Variants in CLSTN2 observed in about 807,000 individuals in gnomAD.
The protein encoded by CLSTN2 is calsyntenin 2.
Under a neutral mutation model 101.2 loss-of-function variants are expected in CLSTN2, and 48 were observed. The observed-to-expected ratio is 0.47, with a 90% CI of 0.38 to 0.60. The LOEUF is 0.60. Among genes scored for constraint, CLSTN2 ranks in the 20% least tolerant of loss-of-function variants. CLSTN2 has a pLI of 0.00. For synonymous variants in CLSTN2, 481 were observed against 463.6 expected (o/e 1.04, Z -0.48); for missense variants, 1,160 against 1,238.2 (o/e 0.94, Z 0.95).
chr3:139,948,374 A>C (rs1055169683), intron 1 of CLSTN2, among the ~76,000 whole-genome samples: 3 of 152,018 alleles, frequency 2.0e-5, no homozygotes, highest in Non-Finnish European at 4.4e-5. Context: ...GTGAGGCAGG[A>C]GAATCACTTG....
At chr3:140,440,326 G>A (rs955869734) in intron 5 of CLSTN2, among the ~76,000 whole-genome samples, 1 of 152,070 alleles carries the variant, frequency 6.6e-6, no homozygotes, top group East Asian at 1.9e-4. Context: ...CTTCTTCATA[G>A]GAATTAAAAG....
At chr3:140,443,647 A>T (rs1394739727) in intron 5 of CLSTN2, among the ~76,000 whole-genome samples, 1 of 152,240 alleles carries the variant, frequency 6.6e-6, no homozygotes, top group African/African-American at 2.4e-5. Context: ...TTCATAAAGT[A>T]GTCTCTAGGC....
chr3:140,477,732 T>C (rs1163452914), intron 8 of CLSTN2, among the ~76,000 whole-genome samples: 1 of 152,210 alleles, frequency 6.6e-6, no homozygotes, highest in African/African-American at 2.4e-5. Context: ...AAGATTTAGA[T>C]AGTTTGGCAG....
intron 12 of CLSTN2, among the ~76,000 whole-genome samples, chr3:140,560,455 C>T (rs1935888831): frequency 6.6e-6 from 1 of 152,220 alleles, no homozygotes; most frequent in African/African-American, 2.4e-5. Flanking sequence ...GCAAATATCC[C>T]TGCCTTCAGC....
intron 1 of CLSTN2, among the ~76,000 whole-genome samples, chr3:140,110,838 CTTCT>C (rs764712059): frequency 9.9e-5 from 15 of 152,176 alleles, no homozygotes; most frequent in Non-Finnish European, 1.5e-4. Context: ...GTTGGCTTCT[CTTCT>C]TTCTTTCCTC....
chr3:140,502,500 A>T (rs535304202), intron 8 of CLSTN2, among the ~76,000 whole-genome samples: 1 of 152,370 alleles, frequency 6.6e-6, no homozygotes, highest in African/African-American at 2.4e-5. Flanking sequence ...TGGTCAGCCC[A>T]GCACTTTTAA....
Position 140,572,663 on chromosome 3 carries a change from CT to C in CLSTN2, c.*6412del. On this transcript the variant is annotated 3_prime_UTR_variant, in exon 17 of 17. Coordinates refer to ENST00000458420, the MANE Select transcript of CLSTN2 (RefSeq NM_022131.3). ...TGGGAACATGTGAGAAGTGCATATT[CT>C]TGGGCCCCACCCCAGACCTACTGAA... The C allele has an allele frequency of 6.6e-6, 1 of 152,226 alleles. No individual in the cohort carries two copies. The highest frequency in any genetic ancestry group is 1.9e-4 in the East Asian group (1 of 5,186). 9.4% of individuals were successfully genotyped at this position (152,226 alleles called of 1,614,324 possible).
chr3:139,994,469 C>T (rs1211135050), intron 1 of CLSTN2, among the ~76,000 whole-genome samples: 1 of 152,166 alleles, frequency 6.6e-6, no homozygotes, highest in Non-Finnish European at 1.5e-5. Flanking sequence ...ATTTTGTGCT[C>T]ACTCCACTGC....
At chr3:140,104,745 G>A (rs138990314) in intron 1 of CLSTN2, among the ~76,000 whole-genome samples, 69 of 152,320 alleles carry the variant, frequency 4.5e-4, no homozygotes, top group African/African-American at 1.4e-3. Flanking sequence ...AGGCCAAGGC[G>A]GGCAGATCAC....
chr3:140,316,825 G>A (rs2087235892), intron 2 of CLSTN2, among the ~76,000 whole-genome samples: 1 of 152,154 alleles, frequency 6.6e-6, no homozygotes, highest in Non-Finnish European at 1.5e-5. Flanking sequence ...TTCACATAGT[G>A]GAGGCATTGC....
In CLSTN2 at chr3:140,385,130, A is replaced by T. The variant is rs2088035587; in HGVS notation, c.233-18499A>T. ...TTGGTGGTAGGGTGAGAGATCATGT[A>T]GTCAGTGTGCTCAGTGACTGGCAGT... On this transcript the variant is annotated intron_variant, in intron 2 of 16. Transcript: ENST00000458420. 2.0e-5 allele frequency among the ~76,000 whole-genome samples: 3 copies of T among 152,180 alleles called. No homozygotes were observed. In the South Asian group the frequency reaches 6.2e-4, roughly 32 times the overall value.
chr3:140,496,347 G>T (rs1162318301), intron 8 of CLSTN2, among the ~76,000 whole-genome samples: 1 of 152,150 alleles, frequency 6.6e-6, no homozygotes, highest in Non-Finnish European at 1.5e-5. Flanking sequence ...TTGCTTATCA[G>T]CTTAAGAAGC....
intron 2 of CLSTN2, among the ~76,000 whole-genome samples, chr3:140,362,806 G>T (rs1231059837): frequency 6.6e-6 from 1 of 152,058 alleles, no homozygotes; most frequent in Non-Finnish European, 1.5e-5. Flanking sequence ...ATACCATAAT[G>T]ATTTTAAGAA....
At chr3:140,541,252 C>CTATTAAAGTTT (rs1404779870) in intron 9 of CLSTN2, among the ~76,000 whole-genome samples, 3 of 152,220 alleles carry the variant, frequency 2.0e-5, no homozygotes, top group Admixed American at 1.3e-4. Flanking sequence ...AAAACCTCAT[C>CTATTAAAGTTT]TATTAAAGTT....
intron 2 of CLSTN2, among the ~76,000 whole-genome samples, chr3:140,327,333 G>C (rs997881066): frequency 2.0e-5 from 3 of 152,154 alleles, no homozygotes; most frequent in Non-Finnish European, 2.9e-5. Flanking sequence ...GACAATAACA[G>C]GTAGAATAAC....
At position 140,093,158 on chromosome 3, in the gene CLSTN2, G is replaced by A. The variant is rs111293481; in HGVS notation, c.110-82793G>A. On this transcript the variant is annotated intron_variant, in intron 1 of 16. Transcript: ENST00000458420. The stretch of plus-strand genomic sequence containing the variant: ...TTACTGACTCCCTCAACTGCAGCAC[G>A]GCCCAGGCTTCCTTGGGTGCGGTGG... Among the ~76,000 whole-genome samples, 17 of 152,298 alleles carry A rather than the reference G, an allele frequency of 1.1e-4. 2 individuals are homozygous for A. Among genetic ancestry groups the A allele is most frequent in the African/African-American group, 2.2e-4 (9 of 41,554 alleles).
chr3:139,995,279 A>G (rs9812283), intron 1 of CLSTN2, among the ~76,000 whole-genome samples: 84,050 of 152,014 alleles, frequency 0.55, 25,443 homozygotes, highest in Non-Finnish European at 0.67. Context: ...ATCTTTCTTC[A>G]GGAAATTGCT....
At chr3:140,122,463 T>G (rs1010920913) in intron 1 of CLSTN2, among the ~76,000 whole-genome samples, 1 of 152,192 alleles carries the variant, frequency 6.6e-6, no homozygotes, top group Non-Finnish European at 1.5e-5. Context: ...GACTCCTGAT[T>G]CACAGTATAA....
chr3:140,448,040 G>C (rs1933134694), intron 5 of CLSTN2, among the ~76,000 whole-genome samples: 1 of 152,152 alleles, frequency 6.6e-6, no homozygotes, highest in African/African-American at 2.4e-5. Flanking sequence ...TAAATTTTGA[G>C]ATACTAAAAA....
Sources: gnomAD v4.1 joint callset for allele counts (sites outside exome capture counted in the v4.1 genomes callset) on GRCh38, gnomAD v4.1.1 for gene constraint, MANE v1.5 for transcripts, NCBI Gene and HGNC (gene_info 2026-07-23, HGNC 2026-07-21) for gene names.